JPH2: variants seen among roughly 807,000 people sequenced by gnomAD.
JPH2 encodes the protein junctophilin-2.
JPH2 carries 38 observed loss-of-function variants against 55.9 expected under a neutral mutation model. The ratio of observed to expected loss-of-function variants is 0.68; its 90% CI spans 0.52 to 0.89. JPH2 has a LOEUF of 0.89. Among genes scored for constraint, JPH2 ranks in the 40% least tolerant of loss-of-function variants. JPH2 has a pLI of 0.00. For synonymous variants in JPH2, 480 were observed against 472.4 expected, an observed-to-expected ratio of 1.02 and a Z score of -0.21; for missense variants, 964 against 1,037.6, an observed-to-expected ratio of 0.93 and a Z score of 0.97.
At chr20:44,177,450 C>T (rs995495693) in intron 1 of JPH2, 27 of 992,162 alleles carry the variant, frequency 2.7e-5, no homozygotes, top group African/African-American at 1.4e-4. Flanking sequence ...TTTGGCCAAT[C>T]GGGCACATGA....
intron 1 of JPH2, chr20:44,178,076 C>T (rs1200237499): frequency 1.7e-5 from 13 of 774,304 alleles, no homozygotes; most frequent in South Asian, 1.4e-4. Flanking sequence ...GATCTGCCTA[C>T]TCTAAGTCTC....
At chr20:44,120,317 A>C in intron 2 of JPH2, among the ~76,000 whole-genome samples, 1 of 152,266 alleles carries the variant, frequency 6.6e-6, no homozygotes, top group East Asian at 1.9e-4. Flanking sequence ...ACGTGACAGG[A>C]GCAAATTTTA....
chr20:44,126,915 G>T (rs1337151967), intron 2 of JPH2, among the ~76,000 whole-genome samples: 1 of 152,210 alleles, frequency 6.6e-6, no homozygotes, highest in African/African-American at 2.4e-5. Flanking sequence ...CTCTGAAATG[G>T]GGGATAATCT....
intron 2 of JPH2, among the ~76,000 whole-genome samples, chr20:44,135,619 C>T (rs4812788): frequency 0.68 from 103,346 of 152,138 alleles, 35,289 homozygotes; most frequent in Admixed American, 0.76. Flanking sequence ...TTCGCTGCTG[C>T]GTGCCTGTCA....
chr20:44,114,349 G>T (rs2072169582), intron 5 of JPH2, among the ~76,000 whole-genome samples: 1 of 152,170 alleles, frequency 6.6e-6, no homozygotes, highest in African/African-American at 2.4e-5. Flanking sequence ...GACCTGTTGT[G>T]CTCAGTGTTT....
intron 1 of JPH2, among the ~76,000 whole-genome samples, chr20:44,184,480 G>T (rs1260181662): frequency 6.6e-6 from 1 of 152,198 alleles, no homozygotes; most frequent in African/African-American, 2.4e-5. Flanking sequence ...TGATGAGAAG[G>T]TCTGGGTGGG....
intron 2 of JPH2, among the ~76,000 whole-genome samples, chr20:44,131,547 C>A (rs1294733838): frequency 1.3e-5 from 2 of 152,150 alleles, no homozygotes; most frequent in African/African-American, 4.8e-5. Context: ...GTGCCTACAT[C>A]ATAGGGTAAT....
chr20:44,132,205 G>A (rs975212603), intron 2 of JPH2, among the ~76,000 whole-genome samples: 1 of 152,056 alleles, frequency 6.6e-6, no homozygotes, highest in African/African-American at 2.4e-5. Flanking sequence ...CAGGTAGCAA[G>A]GTGTAAAAGA....
chr20:44,119,778 G>A (rs1363455663), intron 2 of JPH2, among the ~76,000 whole-genome samples: 2 of 151,450 alleles, frequency 1.3e-5, no homozygotes, highest in Admixed American at 1.3e-4. Flanking sequence ...GGAGGCTAAG[G>A]CAGGAGAATG....
Position 44,187,047 on chromosome 20 carries a change from A to T in JPH2, c.-342T>A, listed in dbSNP as rs758796208. 61 of 319,294 alleles carry T rather than the reference A, an allele frequency of 1.9e-4. 1 individual carries two copies. Among genetic ancestry groups the T allele is most frequent in the South Asian group, 4.3e-4 (9 of 21,064 alleles). The allele number at this position is 319,294 out of a possible 1,614,324, so 19.8% of individuals were successfully genotyped here. A position where few individuals can be genotyped will look rare whatever the true frequency, so the allele number is the denominator to read the frequency against. ...GGGAAAACGGTGTGATCTCTTTAAGAAGCCCAGTGAAAGGGTGGGGTGGAG... is the reference window on the plus strand; with the variant it reads ...GGGAAAACGGTGTGATCTCTTTAAGTAGCCCAGTGAAAGGGTGGGGTGGAG... On this transcript the variant is annotated 5_prime_UTR_variant, in exon 1 of 6. Transcript: ENST00000372980.
In JPH2 at chr20:44,186,623, A is replaced by T; in HGVS notation, c.83T>A (p.Leu28Gln). The change falls in exon 1 of 6, where the codon CTG becomes CAG. Residue 28 changes from leucine to glutamine, a missense_variant. By Grantham distance (113) the Leu-to-Gln change is moderately radical. Transcript: ENST00000372980. ...GCCCTGGCCCTTGGGGCCTGTGCAC[A>T]GTCCATGCCCATGGGCCTTTCCCCC... is the stretch of plus-strand genomic sequence containing the variant. ...WEGGKAHGHG[L>Q]CTGPKGQGEY... 6.2e-7 allele frequency: 1 copy of T among 1,612,454 alleles called. No individual in the cohort carries two copies. The highest frequency in any genetic ancestry group is 2.2e-5 in the East Asian group (1 of 44,868).
chr20:44,184,116 C>T (rs2072810856), intron 1 of JPH2, among the ~76,000 whole-genome samples: 1 of 152,148 alleles, frequency 6.6e-6, no homozygotes, highest in South Asian at 2.1e-4. Flanking sequence ...GAGATTGTGC[C>T]ACTGCACTCC....
In JPH2 at chr20:44,186,785, G is replaced by C; in HGVS notation, c.-80C>G. ...GGGTGATGCCTGCAACACTCCTCCA[G>C]TGCCCTCGGGGGCAGGCCCCCAGAC... On this transcript the variant is annotated 5_prime_UTR_variant, in exon 1 of 6. Transcript: ENST00000372980. The C allele has an allele frequency of 7.1e-7, 1 of 1,411,164 alleles. No homozygotes were observed. The highest frequency in any genetic ancestry group is 9.9e-7 in the Non-Finnish European group (1 of 1,010,952). 87.4% of individuals were successfully genotyped at this position (1,411,164 alleles called of 1,614,324 possible). A position where few individuals can be genotyped will look rare whatever the true frequency, so the allele number is the denominator to read the frequency against.
At chr20:44,129,306 G>A (rs945280404) in intron 2 of JPH2, among the ~76,000 whole-genome samples, 1 of 152,166 alleles carries the variant, frequency 6.6e-6, no homozygotes. Context: ...TATAATCCCA[G>A]CACTTTGGGA....
intron 1 of JPH2, among the ~76,000 whole-genome samples, chr20:44,178,781 T>C (rs902576127): frequency 6.6e-5 from 10 of 152,308 alleles, no homozygotes; most frequent in Admixed American, 3.3e-4. Flanking sequence ...CAGCATGACA[T>C]TGGCATAAAG....
rs58213738 is a variant in JPH2 at position 44,157,596 on chromosome 20, G to A, written c.1169+2022C>T. ...TGTGAGCCACCTGACCTGCACTGTC[G>A]TTCCTAACCCTTAGACCAACTTGTC... On this transcript the variant is annotated intron_variant, in intron 2 of 5. Coordinates refer to ENST00000372980, the MANE Select transcript of JPH2 (RefSeq NM_020433.5). Among the ~76,000 whole-genome samples the A allele has an allele frequency of 3.5e-3, 533 of 152,268 alleles. 6 individuals are homozygous for A. The highest frequency in any genetic ancestry group is 0.027 in the East Asian group (140 of 5,186).
intron 1 of JPH2, among the ~76,000 whole-genome samples, chr20:44,170,476 G>A (rs531465292): frequency 6.6e-6 from 1 of 152,324 alleles, no homozygotes; most frequent in South Asian, 2.1e-4. Flanking sequence ...GATGGAGCAT[G>A]GCAGATACAG....
At chr20:44,183,658 G>A (rs1028018722) in intron 1 of JPH2, among the ~76,000 whole-genome samples, 3 of 152,198 alleles carry the variant, frequency 2.0e-5, no homozygotes, top group African/African-American at 7.2e-5. Flanking sequence ...GTCAAAAAGA[G>A]GAGACACTAG....
Position 44,159,758 on chromosome 20 carries a change from G to T in JPH2, c.1029C>A (p.His343Gln). The T allele has an allele frequency of 6.2e-7, 1 of 1,613,718 alleles. No individual in the cohort carries two copies. Reference protein sequence around the residue: ...DGHREEGKYRHNVLVKDTKRR... With the variant: ...DGHREEGKYRQNVLVKDTKRR... ...GCTTGGTGTCCTTGACCAGCACGTT[G>T]TGGCGGTACTTGCCCTCCTCGCGGT... The change falls in exon 2 of 6, where the codon CAC (histidine) becomes CAA (glutamine). Residue 343 changes from histidine (H) to glutamine (Q), a missense_variant. Transcript: ENST00000372980. The surrounding 1 kb of genome is among the most constrained non-coding windows in gnomAD (Gnocchi z 5.7).
Sources: allele counts gnomAD v4.1 joint callset (sites outside exome capture counted in the v4.1 genomes callset), GRCh38; gene constraint gnomAD v4.1.1; non-coding constraint Gnocchi (gnomAD v3.1); transcripts MANE v1.5; gene names NCBI Gene and HGNC (gene_info 2026-07-23, HGNC 2026-07-21).